LRRC37A2: variants seen among roughly 807,000 people sequenced by gnomAD.
LRRC37A2 encodes the protein leucine rich repeat containing 37 member A2.
A neutral mutation model predicts 68.8 loss-of-function variants in LRRC37A2; 9 were observed. The ratio of observed to expected loss-of-function variants is 0.13; its 90% confidence interval spans 0.08 to 0.23. The LOEUF (loss-of-function observed/expected upper bound fraction) is 0.23. LRRC37A2 is among the 10% of genes least tolerant of loss of function. The pLI is 1.00. For missense variants in LRRC37A2, 168 were observed against 950.4 expected (o/e 0.18, Z 10.82); for synonymous variants, 63 against 367.6 (o/e 0.17, Z 9.48).
At chr17:46,786,714 C>G in the LRRC37A2 span, among the ~76,000 whole-genome samples, 1 of 152,230 alleles carries the variant, frequency 6.6e-6, no homozygotes, top group South Asian at 2.1e-4. Flanking sequence ...CTCTCTGTTA[C>G]TGAGGATGTC....
At chr17:46,801,794 T>G in the LRRC37A2 span, among the ~76,000 whole-genome samples, 10 of 152,260 alleles carry the variant, frequency 6.6e-5, no homozygotes, top group African/African-American at 2.4e-4. Context: ...AGTGCCACTG[T>G]GGGTCTGCCA....
chr17:46,862,823 A>G, the LRRC37A2 span, among the ~76,000 whole-genome samples: 1 of 152,148 alleles, frequency 6.6e-6, no homozygotes, highest in Non-Finnish European at 1.5e-5. Flanking sequence ...ATCTCAAGTG[A>G]TCCGCCCGCC....
At chr17:46,754,107 A>G in the LRRC37A2 span, among the ~76,000 whole-genome samples, 1 of 151,800 alleles carries the variant, frequency 6.6e-6, no homozygotes, top group African/African-American at 2.4e-5. Flanking sequence ...TTTAATGGGC[A>G]AAGAACTGCA....
the LRRC37A2 span, among the ~76,000 whole-genome samples, chr17:47,035,966 A>G: frequency 2.0e-5 from 3 of 152,234 alleles, no homozygotes; most frequent in Admixed American, 1.3e-4. Flanking sequence ...CTTTGAAGAA[A>G]TATTTATTCA....
At chr17:46,994,304 G>A in the LRRC37A2 span, among the ~76,000 whole-genome samples, 2 of 151,764 alleles carry the variant, frequency 1.3e-5, no homozygotes, top group African/African-American at 2.4e-5. Context: ...AGAATCACTT[G>A]AGCCCCGGAG....
At chr17:46,896,300 A>C in the LRRC37A2 span, among the ~76,000 whole-genome samples, 1 of 151,536 alleles carries the variant, frequency 6.6e-6, no homozygotes, top group Non-Finnish European at 1.5e-5. Context: ...TCTCAAAAAA[A>C]GAAAAAGAAA....
chr17:46,744,340 A>G, the LRRC37A2 span, among the ~76,000 whole-genome samples: 1 of 152,270 alleles, frequency 6.6e-6, no homozygotes, highest in Non-Finnish European at 1.5e-5. Context: ...ACTCTCATTT[A>G]CAAAAACATC....
At chr17:46,779,101 A>AC in the LRRC37A2 span, among the ~76,000 whole-genome samples, 2 of 140,066 alleles carry the variant, frequency 1.4e-5, no homozygotes, top group East Asian at 2.9e-4. Flanking sequence ...ACACACACAC[A>AC]CACCCCAGCC....
At chr17:46,774,848 G>A in the LRRC37A2 span, among the ~76,000 whole-genome samples, 1 of 152,326 alleles carries the variant, frequency 6.6e-6, no homozygotes, top group African/African-American at 2.4e-5. Context: ...TTTTCTGGGA[G>A]AACCTGAGAA....
At chr17:46,900,223 A>ATG in the LRRC37A2 span, among the ~76,000 whole-genome samples, 1 of 131,910 alleles carries the variant, frequency 7.6e-6, no homozygotes, top group Non-Finnish European at 1.5e-5. Flanking sequence ...ACACACACAT[A>ATG]TATATATATA....
the LRRC37A2 span, among the ~76,000 whole-genome samples, chr17:46,925,138 A>G: frequency 1.3e-5 from 2 of 152,322 alleles, no homozygotes; most frequent in Non-Finnish European, 1.5e-5. Flanking sequence ...TTTTCTATTA[A>G]GGGCCAGATA....
At chr17:46,936,773 A>G in the LRRC37A2 span, 3 of 982,746 alleles carry the variant, frequency 3.1e-6, no homozygotes, top group East Asian at 1.1e-4. Flanking sequence ...TATTGTCACT[A>G]TCTCGGGGAA....
the LRRC37A2 span, among the ~76,000 whole-genome samples, chr17:46,774,359 C>T: frequency 2.0e-5 from 3 of 152,212 alleles, no homozygotes; most frequent in Non-Finnish European, 1.5e-5. Context: ...CACGCGCGCG[C>T]GCGCACACAC....
chr17:46,725,070 C>T, the LRRC37A2 span, among the ~76,000 whole-genome samples: 1 of 151,986 alleles, frequency 6.6e-6, no homozygotes, highest in Admixed American at 6.6e-5. Flanking sequence ...ACAGCACTTG[C>T]CATCTGAGGG....
the LRRC37A2 span, among the ~76,000 whole-genome samples, chr17:47,029,216 G>A: frequency 2.0e-5 from 3 of 151,748 alleles, no homozygotes; most frequent in Non-Finnish European, 4.4e-5. Flanking sequence ...GCCTCCCAAA[G>A]TGCTGGGGTT....
chr17:47,020,341 T>C, the LRRC37A2 span, among the ~76,000 whole-genome samples: 4 of 148,866 alleles, frequency 2.7e-5, no homozygotes, highest in African/African-American at 1.0e-4. Flanking sequence ...GCTTAGCATA[T>C]GTAGGAGAGT....
the LRRC37A2 span, among the ~76,000 whole-genome samples, chr17:46,754,795 A>G: frequency 5.3e-5 from 8 of 152,200 alleles, no homozygotes; most frequent in African/African-American, 1.7e-4. Context: ...TTTTAGTTTT[A>G]GCACAACTTT....
At chr17:46,806,715 G>A in the LRRC37A2 span, among the ~76,000 whole-genome samples, 1 of 152,260 alleles carries the variant, frequency 6.6e-6, no homozygotes, top group Non-Finnish European at 1.5e-5. Flanking sequence ...CAGGGACTGG[G>A]TGGGGTGACC....
At chr17:46,917,869 T>G in the LRRC37A2 span, among the ~76,000 whole-genome samples, 1 of 152,168 alleles carries the variant, frequency 6.6e-6, no homozygotes. Flanking sequence ...AGCCAGAAAC[T>G]AGTGAGAAAT....
Sources: allele counts gnomAD v4.1 joint callset (sites outside exome capture counted in the v4.1 genomes callset), GRCh38; gene constraint gnomAD v4.1.1; transcripts MANE v1.5; gene names NCBI Gene and HGNC (gene_info 2026-07-23, HGNC 2026-07-21).